GABRB3: variants seen among roughly 807,000 people sequenced by gnomAD.
The protein encoded by GABRB3 is gamma-aminobutyric acid type A receptor subunit beta3, also known as gamma-aminobutyric acid receptor subunit beta-3.
A neutral mutation model predicts 52.1 loss-of-function variants in GABRB3; 14 were observed. The ratio of observed to expected loss-of-function variants is 0.27; its 90% CI spans 0.18 to 0.42. The LOEUF is 0.42. GABRB3 is among the 10% of genes least tolerant of loss of function. The pLI is 1.00. For missense variants in GABRB3, 307 were observed against 609.1 expected (o/e 0.50, Z 5.22); for synonymous variants, 260 against 232.3 (o/e 1.12, Z -1.08).
intron 3 of GABRB3, among the ~76,000 whole-genome samples, chr15:26,697,618 T>C (rs1888783451): frequency 6.6e-6 from 1 of 152,168 alleles, no homozygotes; most frequent in Non-Finnish European, 1.5e-5. Flanking sequence ...CCTTAAATGC[T>C]GCTTTTCAAT....
chr15:26,672,760 C>T (rs150567959), intron 3 of GABRB3, among the ~76,000 whole-genome samples: 1 of 152,188 alleles, frequency 6.6e-6, no homozygotes, highest in East Asian at 1.9e-4. Flanking sequence ...TGTCTGTGGG[C>T]TCAAACATCA....
At chr15:26,678,596 G>A (rs905534533) in intron 3 of GABRB3, among the ~76,000 whole-genome samples, 1 of 152,098 alleles carries the variant, frequency 6.6e-6, no homozygotes, top group Admixed American at 6.5e-5. Flanking sequence ...GAGAGGGGGA[G>A]AGAGATACAG....
At chr15:26,646,944 C>T (rs11161326) in intron 3 of GABRB3, among the ~76,000 whole-genome samples, 37,704 of 152,032 alleles carry the variant, frequency 0.25, 5,924 homozygotes, top group East Asian at 0.82. Flanking sequence ...CCCGGGTTCA[C>T]GCCATTCTCC....
intron 4 of GABRB3, among the ~76,000 whole-genome samples, chr15:26,586,091 C>T (rs1014185540): frequency 6.6e-6 from 1 of 152,042 alleles, no homozygotes; most frequent in Non-Finnish European, 1.5e-5. Flanking sequence ...CTCCATCTCC[C>T]AGGTTCACAC....
chr15:26,622,999 T>A (rs578037058), intron 3 of GABRB3, among the ~76,000 whole-genome samples: 1 of 152,120 alleles, frequency 6.6e-6, no homozygotes, highest in East Asian at 1.9e-4. Flanking sequence ...GAAGCAGGCA[T>A]TTTTTTTCCC....
At chr15:26,576,178 T>C (rs1476378743) in intron 6 of GABRB3, among the ~76,000 whole-genome samples, 7 of 152,268 alleles carry the variant, frequency 4.6e-5, no homozygotes, top group Non-Finnish European at 1.0e-4. Context: ...TCTTTTAACC[T>C]GATCCCGTAA....
At chr15:26,677,903 G>A (rs1345715732) in intron 3 of GABRB3, among the ~76,000 whole-genome samples, 1 of 152,196 alleles carries the variant, frequency 6.6e-6, no homozygotes, top group East Asian at 1.9e-4. Flanking sequence ...AGGGCCTCCA[G>A]AAACACATGA....
chr15:26,642,555 A>G, intron 3 of GABRB3: 1 of 1,222,634 alleles, frequency 8.2e-7, no homozygotes, highest in Non-Finnish European at 1.1e-6. Flanking sequence ...AACATGAAGG[A>G]CACTTTGAAT....
At chr15:26,618,039 T>C (rs1892327583) in intron 4 of GABRB3, among the ~76,000 whole-genome samples, 1 of 152,120 alleles carries the variant, frequency 6.6e-6, no homozygotes, top group South Asian at 2.1e-4. Context: ...TGGAAGAACA[T>C]TCCATGCTCA....
intron 3 of GABRB3, among the ~76,000 whole-genome samples, chr15:26,641,787 A>T (rs1048791240): frequency 6.6e-6 from 1 of 152,342 alleles, no homozygotes; most frequent in South Asian, 2.1e-4. Context: ...ATGAAGTGGC[A>T]TCAGGAATAA....
At chr15:26,591,287 G>A (rs1381448261) in intron 4 of GABRB3, among the ~76,000 whole-genome samples, 1 of 152,186 alleles carries the variant, frequency 6.6e-6, no homozygotes, top group Non-Finnish European at 1.5e-5. Context: ...CAAACATACA[G>A]AAGCATAAAT....
chr15:26,722,617 G>A (rs1284848594), intron 3 of GABRB3, among the ~76,000 whole-genome samples: 1 of 152,156 alleles, frequency 6.6e-6, no homozygotes, highest in Admixed American at 6.6e-5. Flanking sequence ...TGGCAGCATT[G>A]TCGTCCCTAA....
intron 3 of GABRB3, among the ~76,000 whole-genome samples, chr15:26,704,196 C>A (rs1272810447): frequency 4.6e-5 from 7 of 152,218 alleles, no homozygotes; most frequent in African/African-American, 1.2e-4. Context: ...ACTGTCAGAG[C>A]CACAGTTCAG....
intron 5 of GABRB3, among the ~76,000 whole-genome samples, chr15:26,581,944 C>T (rs1290010755): frequency 1.0e-4 from 1 of 10,006 alleles, no homozygotes; most frequent in Non-Finnish European, 4.3e-4. Context: ...TACAACCGTG[C>T]CTACATAATG....
intron 3 of GABRB3, among the ~76,000 whole-genome samples, chr15:26,725,039 G>T (rs1889734583): frequency 6.6e-6 from 1 of 152,066 alleles, no homozygotes; most frequent in Admixed American, 6.6e-5. Context: ...AAAGGCAATT[G>T]GTATAGTGTC....
chr15:26,773,640 C>T, upstream of GABRB3: 1 of 1,558,610 alleles, frequency 6.4e-7, no homozygotes, highest in Non-Finnish European at 8.7e-7. Context: ...AAGCCCCCGC[C>T]TCACCTGCGG....
chr15:26,691,472 T>C (rs1888586867), intron 3 of GABRB3, among the ~76,000 whole-genome samples: 1 of 152,186 alleles, frequency 6.6e-6, no homozygotes, highest in Non-Finnish European at 1.5e-5. Flanking sequence ...ACATCCACTC[T>C]GCTTCCAGGC....
Position 26,642,636 on chromosome 15 carries a change from T to C in GABRB3, c.241-21102A>G, listed in dbSNP as rs117733562. On this transcript the variant is annotated intron_variant, in intron 3 of 8. Transcript: ENST00000311550. ...ATCCCCCCTCCTCTCTACCTGCATA[T>C]ATAAGCATATATGTAAGTGTACCCC... 32 of 513,642 alleles carry C rather than the reference T, an allele frequency of 6.2e-5. No homozygotes were observed. In the East Asian group the frequency reaches 6.5e-4, roughly 10 times the overall value. The allele number at this position is 513,642 out of a possible 1,614,324, so 31.8% of individuals were successfully genotyped here. A position where few individuals can be genotyped will look rare whatever the true frequency, so the allele number is the denominator to read the frequency against.
chr15:26,587,154 A>G (rs1185006471), intron 4 of GABRB3, among the ~76,000 whole-genome samples: 1 of 152,146 alleles, frequency 6.6e-6, no homozygotes, highest in Non-Finnish European at 1.5e-5. Context: ...TGCCCCATAC[A>G]TTGTTCCGCC....
Sources: allele counts gnomAD v4.1 joint callset (sites outside exome capture counted in the v4.1 genomes callset), GRCh38; gene constraint gnomAD v4.1.1; transcripts MANE v1.5; gene names NCBI Gene and HGNC (gene_info 2026-07-23, HGNC 2026-07-21).